CPNE4: variants seen among roughly 807,000 people sequenced by gnomAD.
CPNE4 encodes copine 4, also known as copine-4.
CPNE4 carries 25 observed loss-of-function variants against 67.9 expected under a neutral mutation model. The ratio of observed to expected loss-of-function variants is 0.37; its 90% CI spans 0.27 to 0.51. The LOEUF is 0.51. Ranked by LOEUF, CPNE4 falls within the 20% of genes least tolerant of loss-of-function variation. CPNE4 has a pLI of 0.93. For synonymous variants in CPNE4, 242 were observed against 244.9 expected (o/e 0.99, Z 0.11); for missense variants, 464 against 690.8 (o/e 0.67, Z 3.68).
chr3:131,597,291 C>T (rs1484962381), intron 7 of CPNE4, among the ~76,000 whole-genome samples: 1 of 151,514 alleles, frequency 6.6e-6, no homozygotes, highest in African/African-American at 2.4e-5. Flanking sequence ...GGGAACATCA[C>T]ACATCAGGGC....
intron 1 of CPNE4, among the ~76,000 whole-genome samples, chr3:131,966,550 A>G (rs2072353293): frequency 6.6e-6 from 1 of 152,232 alleles, no homozygotes; most frequent in Non-Finnish European, 1.5e-5. Context: ...ATCACCACTG[A>G]TCCCACAGAA....
intron 2 of CPNE4, among the ~76,000 whole-genome samples, chr3:131,884,715 T>G (rs1274462258): frequency 6.6e-6 from 1 of 152,184 alleles, no homozygotes; most frequent in Non-Finnish European, 1.5e-5. Flanking sequence ...CTCCATACTG[T>G]TCTCACGGTG....
At chr3:131,869,219 T>C (rs565242212) in intron 2 of CPNE4, among the ~76,000 whole-genome samples, 2 of 152,200 alleles carry the variant, frequency 1.3e-5, no homozygotes, top group Non-Finnish European at 2.9e-5. Context: ...TTCCAGAAAA[T>C]GAAGGGATGG....
At chr3:132,028,408 G>A (rs1347291936) in intron 1 of CPNE4, among the ~76,000 whole-genome samples, 5 of 152,132 alleles carry the variant, frequency 3.3e-5, no homozygotes. Context: ...TGTGCCTCAA[G>A]TTTTTATGTT....
intron 2 of CPNE4, among the ~76,000 whole-genome samples, chr3:131,863,502 GTCT>G (rs1482389895): frequency 6.6e-6 from 1 of 152,204 alleles, no homozygotes; most frequent in African/African-American, 2.4e-5. Context: ...CTGCATAAAT[GTCT>G]TCTTTTGAGA....
Position 131,860,841 on chromosome 3 carries a change from T to C in CPNE4, c.180+44423A>G, listed in dbSNP as rs564684587. Reference sequence around the variant, plus strand: ...CACAGAAGATACTCACAACTGACAGTTGAGTTTGGCTTTGCATAAATACCT... The same window carrying C: ...CACAGAAGATACTCACAACTGACAGCTGAGTTTGGCTTTGCATAAATACCT... On this transcript the variant is annotated intron_variant, in intron 2 of 15. Transcript: ENST00000429747. 1.4e-4 allele frequency among the ~76,000 whole-genome samples: 21 copies of C among 152,284 alleles called. 1 individual carries two copies. The highest frequency in any genetic ancestry group is 4.1e-4 in the African/African-American group (17 of 41,556).
At chr3:131,878,329 C>T (rs2087536047) in intron 2 of CPNE4, among the ~76,000 whole-genome samples, 2 of 152,110 alleles carry the variant, frequency 1.3e-5, no homozygotes, top group Admixed American at 1.3e-4. Flanking sequence ...CCATGAATCT[C>T]GCAAATATAG....
chr3:131,758,949 T>C (rs1338032351), intron 2 of CPNE4, among the ~76,000 whole-genome samples: 1 of 152,162 alleles, frequency 6.6e-6, no homozygotes, highest in East Asian at 1.9e-4. Context: ...AAACTGTAAG[T>C]CCAATTGAAC....
intron 9 of CPNE4, 87 bp downstream of exon 9, chr3:131,581,492 A>G: frequency 3.6e-6 from 3 of 827,494 alleles, no homozygotes; most frequent in Non-Finnish European, 6.1e-6. Context: ...TCTTTTTGAT[A>G]CTCTTTTCCT....
At chr3:131,558,093 C>A (rs767845280) in intron 11 of CPNE4, among the ~76,000 whole-genome samples, 1 of 151,916 alleles carries the variant, frequency 6.6e-6, no homozygotes, top group Non-Finnish European at 1.5e-5. Flanking sequence ...GCATGATGCA[C>A]TGCTATGTAA....
intron 2 of CPNE4, among the ~76,000 whole-genome samples, chr3:131,768,955 T>G (rs1490554528): frequency 1.3e-5 from 2 of 152,182 alleles, no homozygotes; most frequent in Non-Finnish European, 2.9e-5. Flanking sequence ...GCCTGAGAAC[T>G]AGGCAGAGCC....
chr3:131,709,511 A>G (rs530045772), intron 3 of CPNE4, among the ~76,000 whole-genome samples: 204 of 152,342 alleles, frequency 1.3e-3, no homozygotes, highest in Middle Eastern at 3.4e-3. Flanking sequence ...TTTCTCAGCA[A>G]TCAGCCATTC....
chr3:131,791,813 G>C (rs1432649181), intron 2 of CPNE4, among the ~76,000 whole-genome samples: 8 of 152,122 alleles, frequency 5.3e-5, no homozygotes, highest in Non-Finnish European at 1.2e-4. Context: ...TGATACACTT[G>C]CAGGATGGAG....
chr3:131,748,379 T>C (rs1246892505), intron 2 of CPNE4, among the ~76,000 whole-genome samples: 1 of 152,064 alleles, frequency 6.6e-6, no homozygotes, highest in African/African-American at 2.4e-5. Flanking sequence ...TTTTTGCATC[T>C]ATATCGTGAG....
rs1037360338 is a variant in CPNE4 at position 131,944,289 on chromosome 3, A to G, written c.-1-38845T>C. Among the ~76,000 whole-genome samples the G allele has an allele frequency of 2.0e-5, 3 of 151,854 alleles. No individual in the cohort carries two copies. In the East Asian group the frequency reaches 5.8e-4, roughly 29 times the overall value. On this transcript the variant is annotated intron_variant, in intron 1 of 15. Transcript: ENST00000429747. ...AGAGCAGTTTGGTGTCATCCCTTCC[A>G]CAGTGGAAGCTGACAAATGACTTCA...
chr3:131,791,130 A>G (rs1560317721), intron 2 of CPNE4, among the ~76,000 whole-genome samples: 1 of 152,176 alleles, frequency 6.6e-6, no homozygotes, highest in Non-Finnish European at 1.5e-5. Flanking sequence ...TCCCACAATT[A>G]CTTAATGTAT....
At chr3:131,792,608 T>TGTGTGTATATGTATATATATACACAC (rs1553772125) in intron 2 of CPNE4, among the ~76,000 whole-genome samples, 1 of 91,368 alleles carries the variant, frequency 1.1e-5, no homozygotes, top group Non-Finnish European at 2.3e-5. Flanking sequence ...TATATGTGTG[T>TGTGTGTATATGTATATATATACACAC]GTGTATATAT....
intron 1 of CPNE4, among the ~76,000 whole-genome samples, chr3:131,992,065 C>T (rs185052845): frequency 3.7e-5 from 5 of 136,786 alleles, no homozygotes; most frequent in African/African-American, 1.2e-4. Flanking sequence ...CATGGAGAAC[C>T]TCTGCTACAA....
chr3:131,713,946 A>T (rs2081620259), intron 3 of CPNE4, among the ~76,000 whole-genome samples: 1 of 152,094 alleles, frequency 6.6e-6, no homozygotes, highest in South Asian at 2.1e-4. Flanking sequence ...AGTCCACGGG[A>T]GCTGAGATGA....
Sources: allele counts gnomAD v4.1 joint callset (sites outside exome capture counted in the v4.1 genomes callset), GRCh38; gene constraint gnomAD v4.1.1; transcripts MANE v1.5; gene names NCBI Gene and HGNC (gene_info 2026-07-23, HGNC 2026-07-21).